LATS2: variants seen among roughly 807,000 people sequenced by gnomAD.
LATS2 encodes the protein large tumor suppressor kinase 2.
A neutral mutation model predicts 76.0 loss-of-function variants in LATS2; 24 were observed. The observed-to-expected ratio is 0.32, with a 90% CI of 0.23 to 0.44. The LOEUF (loss-of-function observed/expected upper bound fraction) is 0.44. Among genes scored for constraint, LATS2 ranks in the 20% least tolerant of loss-of-function variants. The pLI is 1.00. For missense variants in LATS2, 1,286 were observed against 1,481.2 expected (o/e 0.87, Z 2.16); for synonymous variants, 692 against 635.4 (o/e 1.09, Z -1.34).
At chr13:20,982,835 T>C (rs1394495058) in intron 5 of LATS2, among the ~76,000 whole-genome samples, 1 of 150,530 alleles carries the variant, frequency 6.6e-6, no homozygotes, top group East Asian at 2.0e-4. Context: ...CTACTAAAAA[T>C]ACAAAATTAG....
chr13:21,035,040 G>A (rs565519815), intron 2 of LATS2, among the ~76,000 whole-genome samples: 6 of 151,344 alleles, frequency 4.0e-5, no homozygotes, highest in East Asian at 3.9e-4. Flanking sequence ...AGACCAGCCC[G>A]AGAAACATAG....
At chr13:20,990,672 C>T (rs559512362) in intron 3 of LATS2, among the ~76,000 whole-genome samples, 1 of 152,054 alleles carries the variant, frequency 6.6e-6, no homozygotes, top group African/African-American at 2.4e-5. Flanking sequence ...TTTATCACAC[C>T]CCAGGGGCCT....
rs1442043324 is a variant in LATS2, at chr13:20,988,276, G to A, written c.1504C>T (p.Leu502=). 6.3e-7 allele frequency: 1 copy of A among 1,592,952 alleles called. No individual in the cohort carries two copies. Among genetic ancestry groups the A allele is most frequent in the East Asian group, 2.2e-5 (1 of 44,636 alleles). The change falls in exon 4 of 8, where the codon CTG becomes TTG. Residue 502 remains leucine (L), a synonymous_variant. Coordinates refer to ENST00000382592, the MANE Select transcript of LATS2 (RefSeq NM_014572.3). The stretch of plus-strand genomic sequence containing the variant: ...TCTGGGCCTCCGTACTCCACGTCCA[G>A]CGGGAAGGCGCCTGCGCCGCCCAGC... ...LALGGAGAFP[L]DVEYGGPDRR...
At chr13:21,060,161 C>A (rs1873580765) in intron 1 of LATS2, among the ~76,000 whole-genome samples, 1 of 152,202 alleles carries the variant, frequency 6.6e-6, no homozygotes, top group Non-Finnish European at 1.5e-5. Flanking sequence ...GCCTCGCCCC[C>A]CGTTCCCAAC....
At chr13:21,026,407 T>C (rs1017404637) in intron 2 of LATS2, among the ~76,000 whole-genome samples, 3 of 152,222 alleles carry the variant, frequency 2.0e-5, no homozygotes, top group East Asian at 1.9e-4. Flanking sequence ...CAGCATGATT[T>C]TGAAGCCCAT....
At chr13:21,028,165 T>C (rs1872387033) in intron 2 of LATS2, among the ~76,000 whole-genome samples, 1 of 152,044 alleles carries the variant, frequency 6.6e-6, no homozygotes, top group South Asian at 2.1e-4. Flanking sequence ...CATCTATGAG[T>C]GAGAACATGC....
chr13:21,019,387 C>T (rs1044075729), intron 2 of LATS2, among the ~76,000 whole-genome samples: 24 of 149,670 alleles, frequency 1.6e-4, no homozygotes, highest in East Asian at 7.8e-4. Context: ...AGTGCAGTGG[C>T]GCAATCTCAG....
Position 21,061,584 on chromosome 13 carries a change from G to A in LATS2, c.-443C>T, listed in dbSNP as rs1217429855. The A allele has an allele frequency of 6.6e-6, 1 of 152,644 alleles. No individual in the cohort carries two copies. Among genetic ancestry groups the A allele is most frequent in the Non-Finnish European group, 1.5e-5 (1 of 68,066 alleles). The allele number at this position is 152,644 out of a possible 1,614,324, so 9.5% of individuals were successfully genotyped here. On this transcript the variant is annotated 5_prime_UTR_variant, in exon 1 of 8. It adds an upstream start codon to the 5' untranslated region. Coordinates refer to ENST00000382592, the MANE Select transcript of LATS2 (RefSeq NM_014572.3). ...GCTACATTGTTGGCATTCCACGGGC[G>A]TCACGTGACCCCGCCTCCCGCGTCA... is the stretch of plus-strand genomic sequence containing the variant.
chr13:21,050,121 TAGAC>T (rs764432062), intron 1 of LATS2, among the ~76,000 whole-genome samples: 65 of 54,846 alleles, frequency 1.2e-3, no homozygotes, highest in African/African-American at 2.7e-3. Flanking sequence ...CTCTGTCTCA[TAGAC>T]AGATAGATAG....
chr13:20,983,855 A>T, intron 4 of LATS2, 49 bp from the exon 5 acceptor site: 5 of 1,417,642 alleles, frequency 3.5e-6, no homozygotes, highest in Non-Finnish European at 4.8e-6. Context: ...GAGAAGTCCC[A>T]TGATAACAAA....
chr13:21,034,210 G>A (rs996424541), intron 2 of LATS2, among the ~76,000 whole-genome samples: 3 of 152,184 alleles, frequency 2.0e-5, no homozygotes, highest in Non-Finnish European at 4.4e-5. Context: ...TGTGGATGAG[G>A]ACTCCTGAGG....
chr13:20,997,979 T>C (rs73443315), intron 2 of LATS2, among the ~76,000 whole-genome samples: 21,525 of 152,122 alleles, frequency 0.14, 2,206 homozygotes, highest in East Asian at 0.48. Context: ...ATTCCAACTA[T>C]GAGGTTTGGC....
chr13:21,030,870 C>G (rs1391434261), intron 2 of LATS2, among the ~76,000 whole-genome samples: 2 of 152,024 alleles, frequency 1.3e-5, no homozygotes, highest in Non-Finnish European at 2.9e-5. Context: ...CCCCCATACA[C>G]CCACCCCTTT....
intron 2 of LATS2, among the ~76,000 whole-genome samples, chr13:20,992,426 A>T (rs1870546220): frequency 1.3e-5 from 2 of 152,290 alleles, no homozygotes; most frequent in South Asian, 4.1e-4. Flanking sequence ...CAGAATAGGC[A>T]GGAGGGTACC....
At position 20,988,751 on chromosome 13, in the gene LATS2, G is replaced by T; in HGVS notation, c.1029C>A (p.Pro343=). Residue 343 remains proline (P), a synonymous_variant, in exon 4 of 8, where the codon CCC becomes CCA. Coordinates refer to ENST00000382592, the MANE Select transcript of LATS2 (RefSeq NM_014572.3). ...GCGAGGGAGTGAGCAGGCTCTGCGG[G>T]GGGCTGTCGCTGGCGAACACCTGGC... ...SRSQVFASDS[P]PQSLLTPSRN... is the part of the protein sequence containing the mutation. 6.3e-7 allele frequency: 1 copy of T among 1,578,310 alleles called. No individual in the cohort carries two copies.
chr13:21,038,487 G>A (rs2138391868), intron 2 of LATS2: 1 of 152,224 alleles, frequency 6.6e-6, no homozygotes, highest in Non-Finnish European at 1.5e-5. Context: ...ACAGGTGTGA[G>A]TCACTGCACC....
At chr13:21,029,769 C>A (rs1010547519) in intron 2 of LATS2, among the ~76,000 whole-genome samples, 4 of 151,568 alleles carry the variant, frequency 2.6e-5, no homozygotes, top group African/African-American at 9.7e-5. Flanking sequence ...GTGGCCTGGG[C>A]AACAGAGCGA....
chr13:21,036,795 A>C (rs564633560), intron 2 of LATS2, among the ~76,000 whole-genome samples: 134 of 151,804 alleles, frequency 8.8e-4, no homozygotes, highest in African/African-American at 3.0e-3. Context: ...ACAACAACAA[A>C]AAACAACAAC....
chr13:20,978,176 A>T (rs962592181), intron 7 of LATS2, among the ~76,000 whole-genome samples: 2 of 152,008 alleles, frequency 1.3e-5, no homozygotes, highest in Admixed American at 6.6e-5. Flanking sequence ...CCGCCTCCCA[A>T]AGTGCTGGGA....
Sources: allele counts gnomAD v4.1 joint callset (sites outside exome capture counted in the v4.1 genomes callset), GRCh38; gene constraint gnomAD v4.1.1; transcripts MANE v1.5; gene names NCBI Gene and HGNC (gene_info 2026-07-23, HGNC 2026-07-21).